The following DYM variants were observed in gnomAD, a reference collection of about 807,000 sequenced individuals.
The protein encoded by DYM is dyggve-Melchior-Clausen syndrome protein.
In DYM, 78 loss-of-function variants were observed where a neutral mutation model predicts 93.1. The observed-to-expected ratio is 0.84, with a 90% CI of 0.70 to 1.01. The LOEUF (loss-of-function observed/expected upper bound fraction) is 1.01, where lower values mean the gene tolerates loss of function less well. DYM is among the 50% of genes least tolerant of loss of function. DYM has a pLI of 0.00. For missense variants in DYM, 789 were observed against 845.0 expected (o/e 0.93, Z 0.82); for synonymous variants, 321 against 319.7 (o/e 1.00, Z -0.04).
intron 13 of DYM, among the ~76,000 whole-genome samples, chr18:49,212,187 A>T (rs1360783485): frequency 6.6e-6 from 1 of 152,228 alleles, no homozygotes; most frequent in African/African-American, 2.4e-5. Context: ...ACCATTCCAG[A>T]TTAAAAAAGA....
At position 49,391,619 on chromosome 18, in the gene DYM, G is replaced by T; in HGVS notation, c.167C>A (p.Ala56Glu). 6.2e-7 allele frequency: 1 copy of T among 1,613,532 alleles called. No individual in the cohort carries two copies. The highest frequency in any genetic ancestry group is 8.5e-7 in the Non-Finnish European group (1 of 1,179,640). The change falls in exon 3 of 18, where the codon GCA (alanine) becomes GAA (glutamate). Residue 56 changes from alanine to glutamate, a missense_variant. By Grantham distance (107) the Ala-to-Glu change is moderately radical. Coordinates refer to ENST00000675505, the MANE Select transcript of DYM (RefSeq NM_001353214.3). ...TAATGACCTGCAGACTGAAATGGTT[G>T]CTTCCTCCAAGAGTTTCAACTCACT... ...SSSELKLLEE[A>E]TISVCRSLVE...
chr18:49,248,336 T>A (rs926894511), intron 13 of DYM, among the ~76,000 whole-genome samples: 2 of 152,232 alleles, frequency 1.3e-5, no homozygotes, highest in African/African-American at 4.8e-5. Context: ...TTTGTAGAGA[T>A]GTTATCCAGA....
rs371832578 is a variant in DYM, at chr18:49,073,831, C to CT, written c.2025+23570dup. 9.6e-3 allele frequency among the ~76,000 whole-genome samples: 1,460 copies of CT among 152,252 alleles called. 36 individuals are homozygous for CT. Among genetic ancestry groups the CT allele is most frequent in the South Asian group, 0.072 (345 of 4,816 alleles). The stretch of plus-strand genomic sequence containing the variant: ...TGGTTTTGGAACCACAAGACACATT[C>CT]TTTTTTTGACTTCAATTTTGGATTC... On this transcript the variant is annotated intron_variant, in intron 17 of 17. Coordinates refer to ENST00000675505, the MANE Select transcript of DYM (RefSeq NM_001353214.3).
At chr18:49,161,994 T>C (rs992808095) in intron 15 of DYM, among the ~76,000 whole-genome samples, 5 of 152,260 alleles carry the variant, frequency 3.3e-5, no homozygotes, top group African/African-American at 1.2e-4. Flanking sequence ...ACTATGTTGT[T>C]GTCTGGAGAT....
chr18:49,190,734 A>G (rs2090886804), intron 14 of DYM, among the ~76,000 whole-genome samples: 2 of 152,158 alleles, frequency 1.3e-5, no homozygotes, highest in South Asian at 4.1e-4. Flanking sequence ...CCACTTATAC[A>G]TGCATTTTCT....
intron 15 of DYM, among the ~76,000 whole-genome samples, chr18:49,129,167 A>T (rs1265400830): frequency 6.6e-6 from 1 of 151,978 alleles, no homozygotes; most frequent in Non-Finnish European, 1.5e-5. Flanking sequence ...CCATGGAGAG[A>T]AGCTCCAGAT....
At chr18:49,132,315 G>T (rs749378009) in intron 15 of DYM, among the ~76,000 whole-genome samples, 4 of 152,068 alleles carry the variant, frequency 2.6e-5, no homozygotes, top group Admixed American at 6.6e-5. Flanking sequence ...CTACTTTTGT[G>T]TATGTTTGAA....
At chr18:49,456,647 C>T (rs1275939407) in intron 1 of DYM, among the ~76,000 whole-genome samples, 1 of 152,042 alleles carries the variant, frequency 6.6e-6, no homozygotes, top group African/African-American at 2.4e-5. Context: ...AATCACTAAC[C>T]AAACTTCCTT....
intron 15 of DYM, among the ~76,000 whole-genome samples, chr18:49,145,531 C>G (rs148851655): frequency 3.2e-4 from 49 of 152,118 alleles, no homozygotes; most frequent in Non-Finnish European, 6.6e-4. Flanking sequence ...TACCCAATTT[C>G]TTCACTTTCT....
chr18:49,179,743 A>G (rs1388419323), intron 14 of DYM, among the ~76,000 whole-genome samples: 2 of 152,150 alleles, frequency 1.3e-5, no homozygotes, highest in Non-Finnish European at 2.9e-5. Context: ...TCTGTTTAAC[A>G]CGAAGTATCT....
intron 6 of DYM, among the ~76,000 whole-genome samples, chr18:49,335,244 A>G (rs1297847533): frequency 6.6e-6 from 1 of 152,252 alleles, no homozygotes; most frequent in Admixed American, 6.5e-5. Context: ...TCTGACTTTT[A>G]AAGTATTGTA....
chr18:49,434,195 A>C (rs1370003855), intron 1 of DYM, among the ~76,000 whole-genome samples: 1 of 152,076 alleles, frequency 6.6e-6, no homozygotes, highest in Non-Finnish European at 1.5e-5. Context: ...ATACAAAAAA[A>C]AATTAGCCAG....
intron 15 of DYM, among the ~76,000 whole-genome samples, chr18:49,160,561 C>T (rs76704169): frequency 7.7e-6 from 1 of 130,062 alleles, no homozygotes; most frequent in African/African-American, 3.0e-5. Context: ...AAGTACACGT[C>T]GTGAGACTCT....
intron 1 of DYM, among the ~76,000 whole-genome samples, chr18:49,449,240 CCT>C (rs1463818790): frequency 6.6e-6 from 1 of 152,196 alleles, no homozygotes; most frequent in African/African-American, 2.4e-5. Context: ...AGGTGTTTCA[CCT>C]CTCATGAAGA....
chr18:49,356,410 T>C (rs2065567922), intron 6 of DYM, among the ~76,000 whole-genome samples: 1 of 152,214 alleles, frequency 6.6e-6, no homozygotes, highest in South Asian at 2.1e-4. Context: ...GATTCTTTGA[T>C]TCAATCGATG....
At chr18:49,209,301 T>C (rs2092672237) in intron 14 of DYM, among the ~76,000 whole-genome samples, 1 of 152,224 alleles carries the variant, frequency 6.6e-6, no homozygotes, top group Non-Finnish European at 1.5e-5. Flanking sequence ...AGAATAGTTC[T>C]GGCAAGTTTA....
At chr18:49,153,536 T>G (rs999212859) in intron 15 of DYM, among the ~76,000 whole-genome samples, 4 of 152,218 alleles carry the variant, frequency 2.6e-5, no homozygotes, top group Admixed American at 1.3e-4. Context: ...CAAAAAAAGA[T>G]AAGAGTAAAC....
At chr18:49,068,531 T>C (rs978359569) in intron 17 of DYM, among the ~76,000 whole-genome samples, 4 of 152,160 alleles carry the variant, frequency 2.6e-5, no homozygotes, top group African/African-American at 4.8e-5. Context: ...CCAGAGAATA[T>C]TGTTTTTAAG....
chr18:49,176,555 C>A (rs936794698), intron 14 of DYM, among the ~76,000 whole-genome samples: 1 of 149,846 alleles, frequency 6.7e-6, no homozygotes, highest in Admixed American at 6.7e-5. Context: ...GGACAACAGG[C>A]ACGTGTCACC....
Sources: allele counts gnomAD v4.1 joint callset (sites outside exome capture counted in the v4.1 genomes callset), GRCh38; gene constraint gnomAD v4.1.1; transcripts MANE v1.5; gene names NCBI Gene and HGNC (gene_info 2026-07-23, HGNC 2026-07-21).